VPS26A: variants seen among roughly 807,000 people sequenced by gnomAD.
The protein encoded by VPS26A is vacuolar protein sorting-associated protein 26A.
Under a neutral mutation model 42.4 loss-of-function variants are expected in VPS26A, and 22 were observed. The observed-to-expected ratio is 0.52, with a 90% CI of 0.37 to 0.74. The LOEUF (loss-of-function observed/expected upper bound fraction) is 0.74, where lower values mean the gene tolerates loss of function less well. VPS26A is among the 30% of genes least tolerant of loss of function. VPS26A has a pLI of 0.00. For synonymous variants in VPS26A, 110 were observed against 123.5 expected (o/e 0.89, Z 0.73); for missense variants, 276 against 379.2 (o/e 0.73, Z 2.26).
chr10:69,145,551 T>C (rs1267927977), intron 2 of VPS26A, among the ~76,000 whole-genome samples: 1 of 152,158 alleles, frequency 6.6e-6, no homozygotes, highest in Non-Finnish European at 1.5e-5. Flanking sequence ...AGGAGTCAAA[T>C]GTATTTTTCT....
chr10:69,165,945 C>A, intron 6 of VPS26A, 97 bp from the exon 7 acceptor site: 1 of 1,232,434 alleles, frequency 8.1e-7, no homozygotes, highest in Admixed American at 2.1e-5. Flanking sequence ...GACACCGTCT[C>A]TAAAAAAAAA....
chr10:69,124,319 C>T (rs1364378359), intron 1 of VPS26A, 39 bp downstream of exon 1: 5 of 1,240,304 alleles, frequency 4.0e-6, no homozygotes, highest in Non-Finnish European at 5.1e-6. Flanking sequence ...CTCCCGCCCT[C>T]GTCCCGGAGC....
Position 69,157,406 on chromosome 10 carries a change from C to T in VPS26A, c.386+243C>T, listed in dbSNP as rs16926126. 6.9e-3 allele frequency among the ~76,000 whole-genome samples: 1,052 copies of T among 152,266 alleles called. 33 individuals are homozygous for T. In the East Asian group the frequency reaches 0.087, roughly 13 times the overall value. ...CTTCCCTGGTATGAATTGTCCCTTA[C>T]GTACTTCATTTGTCATGTAAACTGA... On this transcript the variant is annotated intron_variant, in intron 4 of 8. Transcript: ENST00000263559.
At chr10:69,151,279 A>AAAAAAAAAAAAAAC (rs1841306968) in intron 2 of VPS26A, among the ~76,000 whole-genome samples, 1 of 106,254 alleles carries the variant, frequency 9.4e-6, no homozygotes, top group African/African-American at 2.9e-5. Flanking sequence ...AAAAAAAAAA[A>AAAAAAAAAAAAAAC]AAAACACACA....
intron 2 of VPS26A, among the ~76,000 whole-genome samples, chr10:69,137,958 A>C (rs1328697658): frequency 7.2e-5 from 11 of 151,818 alleles, no homozygotes; most frequent in Non-Finnish European, 1.6e-4. Context: ...TATCACCACT[A>C]ATTCCAGAAC....
intron 7 of VPS26A, among the ~76,000 whole-genome samples, chr10:69,167,126 C>CAAA (rs35323924): frequency 0.85 from 107,126 of 125,832 alleles, 45,213 homozygotes; most frequent in Non-Finnish European, 0.88. Flanking sequence ...AACTCCGTCT[C>CAAA]AAAAAAAAAA....
At chr10:69,159,362 C>T (rs1196722573) in intron 5 of VPS26A, among the ~76,000 whole-genome samples, 4 of 145,666 alleles carry the variant, frequency 2.7e-5, no homozygotes, top group Non-Finnish European at 6.0e-5. Flanking sequence ...GCCTGGGTGA[C>T]AGAGGGAGAC....
intron 1 of VPS26A, among the ~76,000 whole-genome samples, chr10:69,127,416 G>A (rs1286689679): frequency 6.6e-6 from 1 of 151,638 alleles, no homozygotes; most frequent in African/African-American, 2.4e-5. Flanking sequence ...AGCCAGGCGC[G>A]GTGGCGGGCA....
intron 1 of VPS26A, among the ~76,000 whole-genome samples, chr10:69,124,784 C>T (rs1392862277): frequency 6.6e-6 from 1 of 152,216 alleles, no homozygotes; most frequent in Admixed American, 6.5e-5. Context: ...ATTTCATGAC[C>T]CCAGTTCAGG....
In VPS26A at chr10:69,174,092, C is replaced by T. The variant is rs1043354332; in HGVS notation, c.*2823C>T. Among the ~76,000 whole-genome samples the T allele has an allele frequency of 2.6e-5, 4 of 152,216 alleles. No individual in the cohort carries two copies. The highest frequency in any genetic ancestry group is 9.6e-5 in the African/African-American group (4 of 41,466). On this transcript the variant is annotated 3_prime_UTR_variant, in exon 9 of 9. Coordinates refer to ENST00000263559, the MANE Select transcript of VPS26A (RefSeq NM_004896.5). ...CCCCAGCCAGCAGCGGCAACCGGCT[C>T]GGGTCCCCCTCCATACTGTGGAAGC...
intron 1 of VPS26A, among the ~76,000 whole-genome samples, chr10:69,125,156 C>G (rs1840622637): frequency 6.6e-6 from 1 of 152,194 alleles, no homozygotes; most frequent in Non-Finnish European, 1.5e-5. Flanking sequence ...ACCTGCTCTT[C>G]CCAAAGCTCA....
intron 5 of VPS26A, among the ~76,000 whole-genome samples, chr10:69,160,127 T>TACACACACACACAC (rs71035066): frequency 1.1e-4 from 16 of 148,456 alleles, no homozygotes; most frequent in African/African-American, 3.8e-4. Context: ...ACATAATTTT[T>TACACACACACACAC]ACACACACAC....
intron 1 of VPS26A, among the ~76,000 whole-genome samples, chr10:69,127,171 C>G (rs888907273): frequency 1.8e-4 from 25 of 141,030 alleles, no homozygotes; most frequent in African/African-American, 5.5e-4. Flanking sequence ...GTCTCAAACT[C>G]CTGACCTCAA....
intron 2 of VPS26A, among the ~76,000 whole-genome samples, chr10:69,150,324 G>A (rs906698972): frequency 6.6e-6 from 1 of 152,224 alleles, no homozygotes; most frequent in Non-Finnish European, 1.5e-5. Flanking sequence ...CCAAAGTGCT[G>A]GGATTACAGG....
intron 2 of VPS26A, among the ~76,000 whole-genome samples, chr10:69,138,157 G>A (rs1246735479): frequency 6.6e-6 from 1 of 152,010 alleles, no homozygotes; most frequent in Non-Finnish European, 1.5e-5. Flanking sequence ...TTAGTATAAT[G>A]TATTTGAGAT....
In VPS26A at chr10:69,170,624, T is replaced by C. The variant is rs1427775872; in HGVS notation, c.871-532T>C. 5.3e-5 allele frequency among the ~76,000 whole-genome samples: 8 copies of C among 151,958 alleles called. No homozygotes were observed. The East Asian group carries it at 9.6e-4, about 18-fold the overall frequency. On this transcript the variant is annotated intron_variant, in intron 8 of 8. Transcript: ENST00000263559. ...ACTCCATTTGGCCGATGGGGGAAAA[T>C]GGTCAAGGGAGGGAAGAGAATAATG...
chr10:69,168,511 A>G lies in VPS26A; in HGVS notation c.750A>G (p.Leu250=), dbSNP rs753480782. The change falls in exon 8 of 9, where the codon CTA becomes CTG. Residue 250 remains leucine, a synonymous_variant. Coordinates refer to ENST00000263559, the MANE Select transcript of VPS26A (RefSeq NM_004896.5). ...PVKGESIPIR[L]FLAGYDPTPT... ...CAGGTGAATCAATTCCAATAAGGCT[A>G]TTTTTAGCAGGATATGACCCAACTC... 1.1e-5 allele frequency: 17 copies of G among 1,611,920 alleles called. No homozygotes were observed. Among genetic ancestry groups the G allele is most frequent in the Admixed American group, 1.7e-5 (1 of 59,252 alleles).
chr10:69,163,469 C>G (rs1841608779), intron 6 of VPS26A, among the ~76,000 whole-genome samples: 1 of 152,158 alleles, frequency 6.6e-6, no homozygotes, highest in African/African-American at 2.4e-5. Flanking sequence ...AGGGATTATC[C>G]CAGTTTGCAT....
At chr10:69,150,990 G>C (rs1841290942) in intron 2 of VPS26A, among the ~76,000 whole-genome samples, 1 of 151,896 alleles carries the variant, frequency 6.6e-6, no homozygotes, top group South Asian at 2.1e-4. Context: ...CATAGGTTGG[G>C]CGTGGTGGCA....
Sources: allele counts gnomAD v4.1 joint callset (sites outside exome capture counted in the v4.1 genomes callset), GRCh38; gene constraint gnomAD v4.1.1; transcripts MANE v1.5; gene names NCBI Gene and HGNC (gene_info 2026-07-23, HGNC 2026-07-21).